NPM1: variants seen among roughly 807,000 people sequenced by gnomAD.
NPM1 encodes nucleophosmin 1.
A neutral mutation model predicts 44.1 loss-of-function variants in NPM1; 1 was observed. The ratio of observed to expected loss-of-function variants is 0.02; its 90% CI spans 0.01 to 0.11. NPM1 has a LOEUF of 0.11. NPM1 is among the 10% of genes least tolerant of loss of function. The probability of loss-of-function intolerance (pLI) is 1.00; values close to 1 mark genes in which losing one functional copy is unlikely to be tolerated. For missense variants in NPM1, 197 were observed against 347.8 expected (o/e 0.57, Z 3.45); for synonymous variants, 126 against 111.8 (o/e 1.13, Z -0.80).
At chr5:171,405,612 T>C (rs1771522532) in intron 9 of NPM1, 1 of 543,808 alleles carries the variant, frequency 1.8e-6, no homozygotes, top group South Asian at 2.2e-5. Flanking sequence ...AAATATGCCT[T>C]ATTTTCCATT....
At chr5:171,391,151 C>T (rs1343587576) in intron 2 of NPM1, 154 bp from the exon 3 acceptor site, 1 of 850,054 alleles carries the variant, frequency 1.2e-6, no homozygotes, top group Non-Finnish European at 1.8e-6. Flanking sequence ...TAAGCACATT[C>T]TTATGATTGT....
intron 9 of NPM1, 139 bp from the exon 10 acceptor site, chr5:171,407,561 C>T (rs553382266): frequency 3.2e-5 from 21 of 655,766 alleles, no homozygotes; most frequent in South Asian, 1.5e-4. Context: ...GAAAAAGATA[C>T]GGAGTATTCT....
chr5:171,406,469 A>T (rs1581259204), intron 9 of NPM1: 5 of 1,608,040 alleles, frequency 3.1e-6, no homozygotes, highest in Non-Finnish European at 4.2e-6. Flanking sequence ...GGAGAGACAA[A>T]TATAGTCCAT....
intron 6 of NPM1, among the ~76,000 whole-genome samples, 178 bp downstream of exon 6, chr5:171,393,156 T>A (rs1221224463): frequency 6.6e-6 from 1 of 152,160 alleles, no homozygotes; most frequent in African/African-American, 2.4e-5. Context: ...ATGAGCTGAG[T>A]TGAAAGGATA....
intron 8 of NPM1, among the ~76,000 whole-genome samples, chr5:171,403,774 C>T (rs1159613560): frequency 1.5e-4 from 20 of 130,434 alleles, no homozygotes; most frequent in East Asian, 2.5e-4. Flanking sequence ...GGCGGCTGGC[C>T]GGGCAGAGGG....
At chr5:171,398,800 T>G (rs543962591) in intron 6 of NPM1, among the ~76,000 whole-genome samples, 1 of 152,344 alleles carries the variant, frequency 6.6e-6, no homozygotes, top group African/African-American at 2.4e-5. Flanking sequence ...GTTTCTGGAC[T>G]GTTCTGTTGA....
Position 171,407,877 on chromosome 5 carries a change from C to G in NPM1, c.846+103C>G, listed in dbSNP as rs575782758. On this transcript the variant is annotated intron_variant, in intron 10 of 10. Coordinates refer to ENST00000296930, the MANE Select transcript of NPM1 (RefSeq NM_002520.7). Reference sequence around the variant, plus strand: ...AGTGTTGGCTCTTTTTAAAAAGTTCCTAACCACAGATAATATTTCATTTAA... The same window carrying G: ...AGTGTTGGCTCTTTTTAAAAAGTTCGTAACCACAGATAATATTTCATTTAA... 10 of 692,396 alleles carry G rather than the reference C, an allele frequency of 1.4e-5. No homozygotes were observed. The South Asian group carries it at 1.6e-4, about 11-fold the overall frequency. 42.9% of individuals were successfully genotyped at this position (692,396 alleles called of 1,614,324 possible).
rs908452741 is a variant in NPM1 at position 171,391,540 on chromosome 5, C to T, written c.258+116C>T. ...GAAAGTGGTTCTTTATCTTCTGTCACTGGAGTTCGATGGTCAACTCTTGAA... is the reference window on the plus strand; with the variant it reads ...GAAAGTGGTTCTTTATCTTCTGTCATTGGAGTTCGATGGTCAACTCTTGAA... On this transcript the variant is annotated intron_variant, in intron 3 of 10. Coordinates refer to ENST00000296930, the MANE Select transcript of NPM1 (RefSeq NM_002520.7). 3 of 1,367,182 alleles carry T rather than the reference C, an allele frequency of 2.2e-6. No homozygotes were observed. In the Admixed American group the frequency reaches 5.9e-5, roughly 27 times the overall value. The allele number at this position is 1,367,182 out of a possible 1,614,324, so 84.7% of individuals were successfully genotyped here.
intron 6 of NPM1, among the ~76,000 whole-genome samples, chr5:171,399,329 A>C (rs1213076243): frequency 6.6e-6 from 1 of 152,030 alleles, no homozygotes; most frequent in African/African-American, 2.4e-5. Flanking sequence ...TTACACAGTT[A>C]CAGTTCACTG....
At chr5:171,393,003 T>C (rs778529099) in intron 6 of NPM1, 25 bp downstream of exon 6, 1 of 1,602,270 alleles carries the variant, frequency 6.2e-7, no homozygotes, top group East Asian at 2.2e-5. Flanking sequence ...AGAAACTTGA[T>C]ATACTTCCGG....
Position 171,410,512 on chromosome 5 carries a change from T to C in NPM1, c.847-15T>C, listed in dbSNP as rs2113300725. 6.6e-7 allele frequency: 1 copy of C among 1,521,204 alleles called. No homozygotes were observed. 94.2% of individuals were successfully genotyped at this position (1,521,204 alleles called of 1,614,324 possible). ...TTGTGGTTCCTTAACCACATTTCTT[T>C]TTTTTTTTTTCCAGGCTATTCAAGA... On this transcript the variant is annotated splice_polypyrimidine_tract_variant and intron_variant, in intron 10 of 10. Coordinates refer to ENST00000296930, the MANE Select transcript of NPM1 (RefSeq NM_002520.7).
chr5:171,405,765 C>G, intron 9 of NPM1: 1 of 109,666 alleles, frequency 9.1e-6, no homozygotes, highest in Non-Finnish European at 2.0e-5. Context: ...ATTAAAATTA[C>G]AAACAGCTGG....
At chr5:171,396,682 A>G (rs1343597723) in intron 6 of NPM1, among the ~76,000 whole-genome samples, 1 of 152,136 alleles carries the variant, frequency 6.6e-6, no homozygotes, top group East Asian at 1.9e-4. Flanking sequence ...ACTCGATTTG[A>G]TTACTCCCCT....
intron 7 of NPM1, 33 bp downstream of exon 7, chr5:171,400,243 C>CT: frequency 6.2e-7 from 1 of 1,612,228 alleles, no homozygotes; most frequent in Admixed American, 1.7e-5. Context: ...GGTTGTTAAA[C>CT]TAACAATAGA....
intron 8 of NPM1, among the ~76,000 whole-genome samples, chr5:171,403,619 G>A (rs1771360100): frequency 1.7e-5 from 2 of 120,216 alleles, no homozygotes; most frequent in East Asian, 2.6e-4. Flanking sequence ...GGACGGGGCG[G>A]CTGGCCGGGC....
intron 5 of NPM1, 36 bp downstream of exon 5, chr5:171,392,852 T>C (rs376860519): frequency 1.1e-5 from 17 of 1,613,134 alleles, no homozygotes; most frequent in East Asian, 2.2e-5. Flanking sequence ...TTTTGTATTA[T>C]AGCTTTTAGT....
At chr5:171,392,881 T>G (rs1358422026) in intron 5 of NPM1, 33 bp from the exon 6 acceptor site, 1 of 1,612,910 alleles carries the variant, frequency 6.2e-7, no homozygotes, top group Non-Finnish European at 8.5e-7. Flanking sequence ...AGAACAGCTC[T>G]TGTTCATGAG....
At chr5:171,393,662 G>A (rs759798768) in intron 6 of NPM1, among the ~76,000 whole-genome samples, 7 of 152,228 alleles carry the variant, frequency 4.6e-5, no homozygotes, top group Non-Finnish European at 8.8e-5. Context: ...CTTCAGTTCT[G>A]AGGTTGGTCC....
chr5:171,410,153 C>G (rs187804842), intron 10 of NPM1, among the ~76,000 whole-genome samples: 1 of 152,298 alleles, frequency 6.6e-6, no homozygotes, highest in Non-Finnish European at 1.5e-5. Context: ...ACAGGCAATT[C>G]AGAATAAGTT....
Sources: gnomAD v4.1 joint callset for allele counts (sites outside exome capture counted in the v4.1 genomes callset) on GRCh38, gnomAD v4.1.1 for gene constraint, MANE v1.5 for transcripts, NCBI Gene and HGNC (gene_info 2026-07-23, HGNC 2026-07-21) for gene names.